The following SPMIP7 variants were observed in gnomAD, a reference collection of about 807,000 sequenced individuals.
SPMIP7 encodes protein SPMIP7.
chr7:50,120,993 T>C, the SPMIP7 span, among the ~76,000 whole-genome samples: 1 of 152,158 alleles, frequency 6.6e-6, no homozygotes, highest in Non-Finnish European at 1.5e-5. Flanking sequence ...CTTTATATTA[T>C]CCTCCCAATA....
the SPMIP7 span, among the ~76,000 whole-genome samples, chr7:50,100,541 G>A: frequency 1.3e-5 from 2 of 152,106 alleles, no homozygotes; most frequent in Admixed American, 6.5e-5. Context: ...AGTCAGGCAC[G>A]GTGGCTCACG....
the SPMIP7 span, chr7:50,129,697 T>C: frequency 3.3e-6 from 5 of 1,504,636 alleles, no homozygotes; most frequent in Non-Finnish European, 3.6e-6. Flanking sequence ...CTCTTTTAAC[T>C]TATTTTTCAT....
the SPMIP7 span, among the ~76,000 whole-genome samples, chr7:50,102,210 G>C: frequency 3.3e-5 from 5 of 152,312 alleles, no homozygotes; most frequent in South Asian, 1.0e-3. Context: ...CGTAATCCCA[G>C]CTACTCAGGA....
At chr7:50,144,092 A>T in the SPMIP7 span, among the ~76,000 whole-genome samples, 3 of 152,204 alleles carry the variant, frequency 2.0e-5, no homozygotes, top group Non-Finnish European at 2.9e-5. Flanking sequence ...AAAGTTCTTA[A>T]ACTTATGGCT....
At chr7:50,119,908 A>G in the SPMIP7 span, among the ~76,000 whole-genome samples, 2 of 152,186 alleles carry the variant, frequency 1.3e-5, no homozygotes, top group African/African-American at 4.8e-5. Flanking sequence ...CTATAAAGGG[A>G]CCACACACAG....
chr7:50,120,046 T>C, the SPMIP7 span, among the ~76,000 whole-genome samples: 2 of 152,118 alleles, frequency 1.3e-5, no homozygotes, highest in Non-Finnish European at 2.9e-5. Flanking sequence ...TGCAGACACA[T>C]TGGGTCTGAG....
chr7:50,099,455 C>T, the SPMIP7 span, among the ~76,000 whole-genome samples: 1 of 152,122 alleles, frequency 6.6e-6, no homozygotes, highest in African/African-American at 2.4e-5. Flanking sequence ...TTGCCTGATT[C>T]TTCATTTTCC....
chr7:50,113,689 A>T, the SPMIP7 span, among the ~76,000 whole-genome samples: 5 of 152,114 alleles, frequency 3.3e-5, no homozygotes, highest in Non-Finnish European at 7.4e-5. Flanking sequence ...GCGGAACGGT[A>T]TCTAGTAAGA....
chr7:50,141,597 C>A, the SPMIP7 span: 8 of 490,624 alleles, frequency 1.6e-5, no homozygotes, highest in East Asian at 2.5e-4. Context: ...GTCACTTTAT[C>A]TCTGTGACTT....
the SPMIP7 span, among the ~76,000 whole-genome samples, chr7:50,156,781 A>G: frequency 6.6e-6 from 1 of 152,108 alleles, no homozygotes; most frequent in East Asian, 1.9e-4. Flanking sequence ...TCTGCCCCGC[A>G]GTGCTGGCCT....
the SPMIP7 span, among the ~76,000 whole-genome samples, chr7:50,138,818 G>T: frequency 1.3e-5 from 2 of 150,886 alleles, no homozygotes; most frequent in African/African-American, 4.9e-5. Context: ...AATACACAAC[G>T]CTGTACTCAA....
chr7:50,131,646 A>G, the SPMIP7 span, among the ~76,000 whole-genome samples: 1 of 152,202 alleles, frequency 6.6e-6, no homozygotes, highest in African/African-American at 2.4e-5. Context: ...CGGAGCAACC[A>G]GTAAGGTAGG....
the SPMIP7 span, among the ~76,000 whole-genome samples, chr7:50,129,042 AATC>A: frequency 6.6e-6 from 1 of 152,028 alleles, no homozygotes; most frequent in African/African-American, 2.4e-5. Flanking sequence ...TTACTAAAAA[AATC>A]ATCACTAGAA....
the SPMIP7 span, among the ~76,000 whole-genome samples, chr7:50,152,550 T>A: frequency 2.6e-5 from 4 of 152,186 alleles, no homozygotes; most frequent in Non-Finnish European, 4.4e-5. Context: ...CCAGTGCAGA[T>A]GAATATGCTA....
chr7:50,150,975 T>C, the SPMIP7 span, among the ~76,000 whole-genome samples: 11 of 152,226 alleles, frequency 7.2e-5, no homozygotes, highest in East Asian at 5.8e-4. Flanking sequence ...TCATCTGAAA[T>C]TTACAATGCA....
chr7:50,125,111 TATATACAC>T, the SPMIP7 span, among the ~76,000 whole-genome samples: 14 of 29,148 alleles, frequency 4.8e-4, 3 homozygotes, highest in Non-Finnish European at 5.4e-5. Flanking sequence ...TATATATATA[TATATACAC>T]ACACACACAC....
At chr7:50,141,369 C>T in the SPMIP7 span, 8 of 1,550,134 alleles carry the variant, frequency 5.2e-6, no homozygotes, top group Non-Finnish European at 7.0e-6. Flanking sequence ...CTCTAAGCCT[C>T]TTTATACAAA....
chr7:50,129,597 A>G, the SPMIP7 span: 1 of 702,528 alleles, frequency 1.4e-6, no homozygotes, highest in Admixed American at 2.7e-5. Context: ...TCAATCCAAG[A>G]GGTGCGTGAA....
the SPMIP7 span, among the ~76,000 whole-genome samples, chr7:50,105,959 T>C: frequency 7.9e-5 from 12 of 152,210 alleles, no homozygotes; most frequent in Non-Finnish European, 1.6e-4. Context: ...ATGGCAAGAT[T>C]CCATGCTTTA....
Sources: gnomAD v4.1 joint callset for allele counts (sites outside exome capture counted in the v4.1 genomes callset) on GRCh38, gnomAD v4.1.1 for gene constraint, MANE v1.5 for transcripts, NCBI Gene and HGNC (gene_info 2026-07-23, HGNC 2026-07-21) for gene names.